Variants in TEX29 observed in about 807,000 individuals in gnomAD.
TEX29 encodes the protein testis-expressed protein 29.
A neutral mutation model predicts 18.2 loss-of-function variants in TEX29; 26 were observed. That is an observed-to-expected ratio of 1.43 (90% CI 1.04 to 1.98). The LOEUF is 1.98. TEX29 is among the 30% of genes most tolerant of loss of function. TEX29 has a pLI of 0.00. For missense variants in TEX29, 177 were observed against 194.2 expected, an observed-to-expected ratio of 0.91 and a Z score of 0.53; for synonymous variants, 83 against 78.5, an observed-to-expected ratio of 1.06 and a Z score of -0.31.
upstream of TEX29, among the ~76,000 whole-genome samples, chr13:111,318,890 C>A (rs752347717): frequency 6.6e-6 from 1 of 152,224 alleles, no homozygotes; most frequent in Non-Finnish European, 1.5e-5. Context: ...TTATAAACAG[C>A]GGACACTTTT....
Position 111,339,930 on chromosome 13 carries a change from C to A in TEX29, c.237C>A (p.Tyr79Ter). 1 of 1,589,290 alleles carries A rather than the reference C, an allele frequency of 6.3e-7. No individual in the cohort carries two copies. The highest frequency in any genetic ancestry group is 1.1e-5 in the South Asian group (1 of 91,010). The change falls in exon 4 of 6, where the codon TAC becomes TAA. Residue 79 changes from tyrosine to a stop codon, truncating the protein, a stop_gained and splice_region_variant. Transcript: ENST00000283547. LOFTEE classifies it high-confidence loss of function. Reference protein sequence around the residue: ...IAGAFVITIIYRVIQESRKEK... With the variant: ...IAGAFVITII ...GGGCCTTCGTCATCACCATCATCTA[C>A]AGGTCGGTCCCTTTGTTCTTTACTG...
Position 111,327,551 on chromosome 13 carries a change from T to A in TEX29, c.59-632T>A, listed in dbSNP as rs1395879789. Among the ~76,000 whole-genome samples, 3 of 152,002 alleles carry A rather than the reference T, an allele frequency of 2.0e-5. No homozygotes were observed. In the East Asian group the frequency reaches 5.8e-4, roughly 29 times the overall value. On this transcript the variant is annotated intron_variant, in intron 2 of 5. Coordinates refer to ENST00000283547, the MANE Select transcript of TEX29 (RefSeq NM_152324.3). ...GAACCCCCTTCATCATCCAGCCCAG[T>A]CCCTCGGTGGCCCATGGCCGATCAA...
At chr13:111,316,707 T>C (rs1335164220), upstream of TEX29, among the ~76,000 whole-genome samples, 3 of 152,246 alleles carry the variant, frequency 2.0e-5, no homozygotes, top group African/African-American at 7.2e-5. Context: ...GCACATTGTC[T>C]GGGCTCTGGC....
chr13:111,336,468 T>G (rs2093689802), intron 3 of TEX29, among the ~76,000 whole-genome samples: 1 of 152,240 alleles, frequency 6.6e-6, no homozygotes, highest in East Asian at 1.9e-4. Context: ...GCACATTGTG[T>G]TATGGCATAA....
intron 2 of TEX29, among the ~76,000 whole-genome samples, chr13:111,325,331 G>A (rs1347117291): frequency 6.6e-5 from 10 of 152,240 alleles, no homozygotes; most frequent in African/African-American, 9.6e-5. Context: ...CGCTCCAGCC[G>A]TCCTGGCTGT....
intron 3 of TEX29, chr13:111,339,583 T>C (rs1305830333): frequency 2.8e-5 from 15 of 543,006 alleles, no homozygotes; most frequent in Admixed American, 9.3e-5. Context: ...CTCCATGCAC[T>C]CCCGGGGGTC....
intron 2 of TEX29, among the ~76,000 whole-genome samples, chr13:111,326,368 G>A (rs1187477640): frequency 6.7e-6 from 1 of 149,466 alleles, no homozygotes; most frequent in African/African-American, 2.5e-5. Context: ...TGTCTGGTGG[G>A]GTGGAGGAGA....
At chr13:111,341,921 C>T (rs2093697183) in intron 4 of TEX29, among the ~76,000 whole-genome samples, 1 of 152,222 alleles carries the variant, frequency 6.6e-6, no homozygotes, top group Non-Finnish European at 1.5e-5. Context: ...ATGGATGGGG[C>T]AGTGAGGCTC....
At chr13:111,324,085 G>A (rs1303740758) in intron 2 of TEX29, among the ~76,000 whole-genome samples, 3 of 152,260 alleles carry the variant, frequency 2.0e-5, no homozygotes, top group Non-Finnish European at 4.4e-5. Context: ...GGGGTGTGCA[G>A]TCTGGGCCCG....
At chr13:111,339,964 G>A (rs752296779) in intron 4 of TEX29, 32 bp downstream of exon 4, 2 of 1,535,988 alleles carry the variant, frequency 1.3e-6, no homozygotes, top group Non-Finnish European at 1.8e-6. Context: ...TGGGAGGGTG[G>A]GGAGGAGGGG....
At chr13:111,343,209 A>G (rs1325433855) in intron 5 of TEX29, among the ~76,000 whole-genome samples, 2 of 151,788 alleles carry the variant, frequency 1.3e-5, no homozygotes, top group Admixed American at 6.6e-5. Context: ...CGGGGCCCTC[A>G]TTGTTAGTGT....
chr13:111,319,527 G>C (rs1345466626), upstream of TEX29, among the ~76,000 whole-genome samples: 1 of 152,170 alleles, frequency 6.6e-6, no homozygotes, highest in Non-Finnish European at 1.5e-5. Context: ...CTGTCCACCT[G>C]ATGCCCACAG....
chr13:111,333,555 T>C (rs1053900889), intron 3 of TEX29, among the ~76,000 whole-genome samples: 3 of 152,388 alleles, frequency 2.0e-5, no homozygotes, highest in African/African-American at 7.2e-5. Flanking sequence ...GAATTTCTTT[T>C]TGGTCTTAAT....
upstream of TEX29, among the ~76,000 whole-genome samples, chr13:111,318,574 C>T (rs1464699723): frequency 1.3e-5 from 2 of 152,256 alleles, no homozygotes; most frequent in African/African-American, 4.8e-5. Flanking sequence ...CGCAGCTTCC[C>T]GGTGCTGGCT....
chr13:111,321,849 G>A (rs958782543), intron 2 of TEX29, among the ~76,000 whole-genome samples: 2 of 152,216 alleles, frequency 1.3e-5, no homozygotes, highest in African/African-American at 4.8e-5. Context: ...ACTTGAACCC[G>A]GGAGGCAGAG....
At chr13:111,331,316 A>ATTTTTTT (rs56208500) in intron 3 of TEX29, among the ~76,000 whole-genome samples, 1 of 131,038 alleles carries the variant, frequency 7.6e-6, no homozygotes, top group African/African-American at 2.8e-5. Flanking sequence ...CCATTGTTGC[A>ATTTTTTT]TTTTTTTTTT....
At chr13:111,325,532 G>A (rs1449318960) in intron 2 of TEX29, among the ~76,000 whole-genome samples, 1 of 152,232 alleles carries the variant, frequency 6.6e-6, no homozygotes, top group East Asian at 1.9e-4. Context: ...CCTGGTGCCT[G>A]CCCAGAAAGC....
upstream of TEX29, among the ~76,000 whole-genome samples, chr13:111,316,702 TTGTC>T (rs1351991773): frequency 6.6e-6 from 1 of 152,232 alleles, no homozygotes; most frequent in Non-Finnish European, 1.5e-5. Flanking sequence ...CGGATGCACA[TTGTC>T]TGGGCTCTGG....
At chr13:111,322,327 G>A (rs112278851) in intron 2 of TEX29, among the ~76,000 whole-genome samples, 262 of 147,006 alleles carry the variant, frequency 1.8e-3, no homozygotes, top group Non-Finnish European at 2.4e-3. Flanking sequence ...GGACGGCTGG[G>A]GTGGCCCCTC....
Sources: allele counts gnomAD v4.1 joint callset (sites outside exome capture counted in the v4.1 genomes callset), GRCh38; gene constraint gnomAD v4.1.1; transcripts MANE v1.5; gene names NCBI Gene and HGNC (gene_info 2026-07-23, HGNC 2026-07-21).